Variants in SARNP observed in about 807,000 individuals in gnomAD.
SARNP encodes SAP domain-containing ribonucleoprotein.
In SARNP, 5 loss-of-function variants were observed where a neutral mutation model predicts 38.1. The ratio of observed to expected loss-of-function variants is 0.13; its 90% CI spans 0.07 to 0.28. The LOEUF (loss-of-function observed/expected upper bound fraction) is 0.28, where lower values mean the gene tolerates loss of function less well. SARNP is among the 10% of genes least tolerant of loss of function. The pLI, the probability that SARNP is intolerant of heterozygous loss-of-function variation, is 1.00. For synonymous variants in SARNP, 84 were observed against 80.6 expected, an observed-to-expected ratio of 1.04 and a Z score of -0.23; for missense variants, 180 against 243.9, an observed-to-expected ratio of 0.74 and a Z score of 1.75.
intron 1 of SARNP, among the ~76,000 whole-genome samples, chr12:55,807,884 A>ACTTC (rs1880203417): frequency 6.6e-6 from 1 of 151,600 alleles, no homozygotes; most frequent in African/African-American, 2.4e-5. Flanking sequence ...TTTTCTTCCC[A>ACTTC]CTTCCTGGAG....
At chr12:55,791,432 C>G (rs750627428) in intron 7 of SARNP, among the ~76,000 whole-genome samples, 10 of 152,114 alleles carry the variant, frequency 6.6e-5, no homozygotes, top group Non-Finnish European at 1.2e-4. Context: ...CAGTGGCTTA[C>G]GCCTGTAATC....
At chr12:55,811,790 T>C (rs1880336030) in intron 1 of SARNP, among the ~76,000 whole-genome samples, 2 of 152,222 alleles carry the variant, frequency 1.3e-5, no homozygotes, top group Admixed American at 1.3e-4. Context: ...CGTCTTGTCA[T>C]TCCACATATA....
intron 4 of SARNP, among the ~76,000 whole-genome samples, chr12:55,797,744 G>A (rs902151105): frequency 2.0e-5 from 3 of 152,106 alleles, no homozygotes; most frequent in African/African-American, 7.2e-5. Context: ...CGAATTCTGG[G>A]ATGCATGGGA....
At chr12:55,810,410 C>A (rs1880289893) in intron 1 of SARNP, among the ~76,000 whole-genome samples, 1 of 152,114 alleles carries the variant, frequency 6.6e-6, no homozygotes, top group Non-Finnish European at 1.5e-5. Context: ...AGCCACTGTG[C>A]CCAGCTTGCC....
rs371059634 is a variant in SARNP, at chr12:55,780,043, G to C, written c.501+9032C>G. Among the ~76,000 whole-genome samples, 28 of 152,330 alleles carry C rather than the reference G, an allele frequency of 1.8e-4. 1 individual carries two copies. The South Asian group carries it at 5.8e-3, about 32-fold the overall frequency. On this transcript the variant is annotated intron_variant, in intron 9 of 10. Coordinates refer to ENST00000336133, the MANE Select transcript of SARNP (RefSeq NM_033082.4). ...TGTGCCTGTAGTCCCAGCTACTCAG[G>C]AGGCTGAGGTGGGAGGGTCACTTAA...
intron 2 of SARNP, 100 bp downstream of exon 2, chr12:55,803,529 T>A: frequency 1.5e-6 from 1 of 653,696 alleles, no homozygotes; most frequent in Non-Finnish European, 2.6e-6. Flanking sequence ...AATTAAGAGC[T>A]TACATTGCTA....
At chr12:55,817,631 A>G (rs1417201904) in intron 1 of SARNP, 35 bp downstream of exon 1, 1 of 1,600,016 alleles carries the variant, frequency 6.2e-7, no homozygotes, top group Non-Finnish European at 8.5e-7. Flanking sequence ...AGTTCCTAGA[A>G]AAGTCCAACT....
At chr12:55,809,948 T>A (rs868521062) in intron 1 of SARNP, among the ~76,000 whole-genome samples, 2 of 152,202 alleles carry the variant, frequency 1.3e-5, no homozygotes, top group Admixed American at 6.5e-5. Flanking sequence ...TACCATATAC[T>A]CTTTTGTGAA....
intron 1 of SARNP, 45 bp from the exon 2 acceptor site, chr12:55,803,773 C>T: frequency 2.3e-6 from 3 of 1,286,076 alleles, no homozygotes; most frequent in Non-Finnish European, 3.4e-6. Flanking sequence ...ACAGGATGAA[C>T]ACCAGTGAAT....
At chr12:55,805,460 C>T (rs1880110056) in intron 1 of SARNP, among the ~76,000 whole-genome samples, 1 of 152,158 alleles carries the variant, frequency 6.6e-6, no homozygotes, top group Non-Finnish European at 1.5e-5. Flanking sequence ...GCCTGTTATC[C>T]CAGCACTCTG....
chr12:55,792,243 A>T (rs1879692885), intron 7 of SARNP, among the ~76,000 whole-genome samples: 1 of 152,208 alleles, frequency 6.6e-6, no homozygotes, highest in Non-Finnish European at 1.5e-5. Flanking sequence ...TTTTAAAAGC[A>T]CAGCAAAACA....
intron 1 of SARNP, among the ~76,000 whole-genome samples, chr12:55,813,044 C>T (rs1049931342): frequency 6.6e-6 from 1 of 151,994 alleles, no homozygotes; most frequent in Non-Finnish European, 1.5e-5. Flanking sequence ...CTCCTGGGTT[C>T]AAGTGATTCT....
intron 9 of SARNP, among the ~76,000 whole-genome samples, chr12:55,778,284 C>T (rs1879241694): frequency 1.3e-5 from 2 of 152,044 alleles, no homozygotes; most frequent in African/African-American, 2.4e-5. Context: ...GTAGTTGGGA[C>T]TACAGGTGTG....
At chr12:55,787,952 T>C (rs1342087471) in intron 9 of SARNP, among the ~76,000 whole-genome samples, 1 of 151,968 alleles carries the variant, frequency 6.6e-6, no homozygotes, top group Admixed American at 6.6e-5. Flanking sequence ...GGTTTCACCG[T>C]GTTAGCCAGG....
chr12:55,794,905 GAAAA>G lies in SARNP; in HGVS notation c.304-29_304-26del, dbSNP rs752424258. Reference sequence around the variant, plus strand: ...TCTAAGTAAAAATAGACAAAAGGGAGAAAAAAAAGTCAATTTATGGTTTAAGAAA... The same window carrying G: ...TCTAAGTAAAAATAGACAAAAGGGAGAAAAGTCAATTTATGGTTTAAGAAA... On this transcript the variant is annotated intron_variant, in intron 5 of 10. Transcript: ENST00000336133. 13 of 973,134 alleles carry G rather than the reference GAAAA, an allele frequency of 1.3e-5. No homozygotes were observed. In the African/African-American group the frequency reaches 2.9e-4, roughly 22 times the overall value. The allele number at this position is 973,134 out of a possible 1,614,324, so 60.3% of individuals were successfully genotyped here. A position where few individuals can be genotyped will look rare whatever the true frequency, so the allele number is the denominator to read the frequency against.
intron 4 of SARNP, among the ~76,000 whole-genome samples, chr12:55,796,717 G>A (rs1299872973): frequency 1.3e-5 from 2 of 151,692 alleles, no homozygotes; most frequent in African/African-American, 2.4e-5. Flanking sequence ...ATTTACTTTT[G>A]AACTAATGAG....
intron 7 of SARNP, chr12:55,792,942 C>G (rs1476729248): frequency 6.6e-6 from 1 of 152,224 alleles, no homozygotes; most frequent in Non-Finnish European, 1.5e-5. Flanking sequence ...GGCTTGGCAT[C>G]CCAAAGTGCT....
intron 9 of SARNP, among the ~76,000 whole-genome samples, chr12:55,785,466 C>T (rs745369428): frequency 4.6e-5 from 7 of 151,666 alleles, no homozygotes; most frequent in Non-Finnish European, 8.8e-5. Context: ...TAGGTAATTT[C>T]GAATACTGTA....
chr12:55,773,332 T>G (rs919346176), intron 9 of SARNP, among the ~76,000 whole-genome samples: 1 of 152,120 alleles, frequency 6.6e-6, no homozygotes, highest in African/African-American at 2.4e-5. Context: ...TCTCATCAAG[T>G]CCAAGTAAGA....
Sources: allele counts gnomAD v4.1 joint callset (sites outside exome capture counted in the v4.1 genomes callset), GRCh38; gene constraint gnomAD v4.1.1; transcripts MANE v1.5; gene names NCBI Gene and HGNC (gene_info 2026-07-23, HGNC 2026-07-21).